CDC40: variants seen among roughly 807,000 people sequenced by gnomAD.
CDC40 encodes the protein cell division cycle 40, also known as pre-mRNA-processing factor 17.
In CDC40, 27 loss-of-function variants were observed where a neutral mutation model predicts 80.6. The ratio of observed to expected loss-of-function variants is 0.33; its 90% CI spans 0.25 to 0.46. The LOEUF (loss-of-function observed/expected upper bound fraction) is 0.46. CDC40 is among the 20% of genes least tolerant of loss of function. CDC40 has a pLI of 1.00. For missense variants in CDC40, 486 were observed against 694.1 expected (o/e 0.70, Z 3.37); for synonymous variants, 221 against 232.6 (o/e 0.95, Z 0.45).
chr6:110,224,306 G>C (rs1336458720), intron 12 of CDC40: 1 of 152,024 alleles, frequency 6.6e-6, no homozygotes, highest in East Asian at 1.9e-4. Context: ...TTAAACTGGA[G>C]ATTATTTGCA....
rs771137867 is a variant in CDC40, at chr6:110,228,979, A to G, written c.1562+3A>G. On this transcript the variant is annotated splice_donor_region_variant and intron_variant, in intron 14 of 14. Transcript: ENST00000307731. Reference sequence around the variant, plus strand: ...GTGGACTTTTCACCAGACATGAGGTAAGTTTAAATCTTCTAATCCATTCTC... The same window carrying G: ...GTGGACTTTTCACCAGACATGAGGTGAGTTTAAATCTTCTAATCCATTCTC... 1 of 1,598,446 alleles carries G rather than the reference A, an allele frequency of 6.3e-7. No individual in the cohort carries two copies.
intron 7 of CDC40, 92 bp downstream of exon 7, chr6:110,212,364 C>T: frequency 7.7e-7 from 1 of 1,305,064 alleles, no homozygotes; most frequent in Non-Finnish European, 1.1e-6. Flanking sequence ...TTTAGTATTT[C>T]TGGTAAAGGT....
intron 1 of CDC40, among the ~76,000 whole-genome samples, chr6:110,186,421 T>A (rs1465429184): frequency 6.6e-6 from 1 of 151,906 alleles, no homozygotes; most frequent in African/African-American, 2.4e-5. Flanking sequence ...GAGGCAGAGG[T>A]TGCAGTGAGC....
chr6:110,208,722 G>GT (rs963497182), intron 4 of CDC40, among the ~76,000 whole-genome samples: 2 of 152,118 alleles, frequency 1.3e-5, no homozygotes, highest in Admixed American at 6.5e-5. Flanking sequence ...GAGTTTCTGA[G>GT]TTTTTTCCAG....
chr6:110,201,902 A>G (rs1412913826), intron 3 of CDC40, among the ~76,000 whole-genome samples: 1 of 152,204 alleles, frequency 6.6e-6, no homozygotes, highest in African/African-American at 2.4e-5. Context: ...ATTTCTGAGT[A>G]CTGGAAATAT....
At chr6:110,219,943 C>T in intron 12 of CDC40, 74 bp downstream of exon 12, 2 of 1,457,600 alleles carry the variant, frequency 1.4e-6, no homozygotes, top group Non-Finnish European at 1.9e-6. Flanking sequence ...AAGATGAAGC[C>T]TGATAATATG....
intron 1 of CDC40, among the ~76,000 whole-genome samples, chr6:110,185,241 C>CTTTTTTTTTTTTT (rs1227694611): frequency 2.4e-5 from 3 of 124,032 alleles, no homozygotes; most frequent in African/African-American, 6.4e-5. Context: ...ATCTTTTTTT[C>CTTTTTTTTTTTTT]TTTTTTTTTT....
At position 110,180,659 on chromosome 6, in the gene CDC40, T is replaced by A. The variant is rs745803734; in HGVS notation, c.189+26T>A. On this transcript the variant is annotated intron_variant, in intron 1 of 14. Coordinates refer to ENST00000307731, the MANE Select transcript of CDC40 (RefSeq NM_015891.3). ...GTAAGCACTTTTGCTACTAATGCAG[T>A]GTGGGAATTGTTGGCTTCAGCTCCA... 1.5e-5 allele frequency: 23 copies of A among 1,562,362 alleles called. No homozygotes were observed. The South Asian group carries it at 2.5e-4, about 17-fold the overall frequency.
intron 2 of CDC40, 133 bp from the exon 3 acceptor site, chr6:110,201,425 C>A: frequency 1.7e-6 from 1 of 574,796 alleles, no homozygotes; most frequent in Non-Finnish European, 2.9e-6. Flanking sequence ...TGAACCGTAT[C>A]AGGCTAATGT....
chr6:110,220,657 G>A (rs574145244), intron 12 of CDC40, among the ~76,000 whole-genome samples: 17 of 152,206 alleles, frequency 1.1e-4, no homozygotes, highest in Admixed American at 2.0e-4. Context: ...GTGTTAGCCA[G>A]GATGGTCTCG....
chr6:110,195,905 G>T (rs1777413228), intron 2 of CDC40, among the ~76,000 whole-genome samples: 1 of 152,170 alleles, frequency 6.6e-6, no homozygotes, highest in Non-Finnish European at 1.5e-5. Context: ...AAATAGATTT[G>T]TGAGGGTCTT....
At position 110,219,458 on chromosome 6, in the gene CDC40, G is replaced by T. The variant is rs1430747219; in HGVS notation, c.1185G>T (p.Met395Ile). The change falls in exon 11 of 15, where the codon ATG becomes ATT. Residue 395 changes from methionine to isoleucine, a missense_variant. Met to Ile is a conservative substitution (Grantham distance 10, BLOSUM62 1). Transcript: ENST00000307731. ...EDKQNLFVAG[M>I]SDKKIVQWDI... Reference sequence around the variant, plus strand: ...AGCAAAATCTCTTTGTGGCTGGGATGTCTGATAAGAAGATTGTGCAAGTAA... The same window carrying T: ...AGCAAAATCTCTTTGTGGCTGGGATTTCTGATAAGAAGATTGTGCAAGTAA... 5 of 1,594,322 alleles carry T rather than the reference G, an allele frequency of 3.1e-6. No individual in the cohort carries two copies. The South Asian group carries it at 4.4e-5, about 14-fold the overall frequency.
chr6:110,209,016 T>C, intron 4 of CDC40, 68 bp from the exon 5 acceptor site: 1 of 980,302 alleles, frequency 1.0e-6, no homozygotes, highest in Non-Finnish European at 1.5e-6. Context: ...TATGTTCATA[T>C]TTCTTTAGAA....
At chr6:110,193,397 T>C (rs1777376932) in intron 2 of CDC40, 129 bp downstream of exon 2, 1 of 597,378 alleles carries the variant, frequency 1.7e-6, no homozygotes, top group Admixed American at 3.1e-5. Context: ...AGAAAATACA[T>C]GCTTCTTTTT....
intron 6 of CDC40, 51 bp downstream of exon 6, chr6:110,210,854 C>T: frequency 9.9e-6 from 9 of 911,340 alleles, no homozygotes; most frequent in African/African-American, 1.7e-5. Context: ...TTCATATTTA[C>T]TCTGTTCGCT....
In CDC40 at chr6:110,209,243, A is replaced by G; in HGVS notation, c.630+20A>G. 5 of 1,605,948 alleles carry G rather than the reference A, an allele frequency of 3.1e-6. No individual in the cohort carries two copies. Among genetic ancestry groups the G allele is most frequent in the Non-Finnish European group, 4.3e-6 (5 of 1,172,886 alleles). On this transcript the variant is annotated intron_variant, in intron 5 of 14. Transcript: ENST00000307731. ...TCAGAAGTAAGCTTTGATGTTTTTAATTGTCAATTCAGGTATACGCTGTAT... is the reference window on the plus strand; with the variant it reads ...TCAGAAGTAAGCTTTGATGTTTTTAGTTGTCAATTCAGGTATACGCTGTAT...
chr6:110,209,092 G>C lies in CDC40; in HGVS notation c.499G>C (p.Val167Leu). ...EEAEKNQGLT[V>L]FETGQKKTEK... ...TTTTTTTGTTAACGTAGGTTTAACT[G>C]TATTTGAAACTGGTCAGAAGAAAAC... is the stretch of plus-strand genomic sequence containing the variant. Residue 167 changes from valine to leucine, a missense_variant, in exon 5 of 15, where the codon GTA (valine) becomes CTA (leucine). By Grantham distance (32) the Val-to-Leu change is conservative. Around this residue, in one of 3 missense-constraint regions of CDC40, gnomAD observed 381 missense variants for 492.1 expected, o/e 0.77. Coordinates refer to ENST00000307731, the MANE Select transcript of CDC40 (RefSeq NM_015891.3). 1.9e-6 allele frequency: 3 copies of C among 1,542,508 alleles called. No homozygotes were observed. Among genetic ancestry groups the C allele is most frequent in the Non-Finnish European group, 2.7e-6 (3 of 1,123,062 alleles).
chr6:110,211,932 C>T (rs959043667), intron 6 of CDC40: 2 of 512,950 alleles, frequency 3.9e-6, no homozygotes, highest in Non-Finnish European at 6.9e-6. Context: ...TTTCGAAATA[C>T]TACCTCTAGT....
At chr6:110,188,056 A>G (rs560864957) in intron 1 of CDC40, among the ~76,000 whole-genome samples, 18 of 152,258 alleles carry the variant, frequency 1.2e-4, no homozygotes, top group Admixed American at 2.6e-4. Context: ...AGAGACTGGG[A>G]CTTACTTATA....
Sources: allele counts gnomAD v4.1 joint callset (sites outside exome capture counted in the v4.1 genomes callset), GRCh38; gene constraint gnomAD v4.1.1; regional missense constraint gnomAD v4.1.1; transcripts MANE v1.5; gene names NCBI Gene and HGNC (gene_info 2026-07-23, HGNC 2026-07-21).